The following TNXB variants were observed in gnomAD, a reference collection of about 807,000 sequenced individuals.
The protein encoded by TNXB is tenascin XB, also known as tenascin-X.
Under a neutral mutation model 340.5 loss-of-function variants are expected in TNXB, and 183 were observed. That is an observed-to-expected ratio of 0.54 (90% confidence interval 0.48 to 0.61). The LOEUF is 0.61. TNXB is among the 20% of genes least tolerant of loss of function. TNXB has a pLI of 0.00. For synonymous variants in TNXB, 2,121 were observed against 2,314.5 expected, an observed-to-expected ratio of 0.92 and a Z score of 2.40; for missense variants, 4,613 against 5,446.4, an observed-to-expected ratio of 0.85 and a Z score of 4.82.
At chr6:32,105,575 T>C (rs537610504) in intron 1 of TNXB, among the ~76,000 whole-genome samples, 1 of 152,256 alleles carries the variant, frequency 6.6e-6, no homozygotes, top group South Asian at 2.1e-4. Context: ...AAAAGTTCAA[T>C]GTAAACGCAG....
At chr6:32,057,087 GCCCTCAGC>G (rs1406952919) in intron 22 of TNXB, among the ~76,000 whole-genome samples, 184 bp from the exon 23 acceptor site, 3 of 151,072 alleles carry the variant, frequency 2.0e-5, no homozygotes, top group Non-Finnish European at 4.4e-5. Context: ...TGACCCTCCT[GCCCTCAGC>G]CCCCACCTCA....
intron 11 of TNXB, among the ~76,000 whole-genome samples, chr6:32,076,846 G>A (rs972718987): frequency 6.6e-6 from 1 of 152,140 alleles, no homozygotes; most frequent in African/African-American, 2.4e-5. Context: ...GCCGGGTGTG[G>A]TGGTGGGCGC....
Position 32,097,873 on chromosome 6 carries a change from A to C in TNXB, c.326T>G (p.Ile109Ser). The change falls in exon 2 of 44, where the codon ATC (isoleucine) becomes AGC (serine). Residue 109 changes from isoleucine (I) to serine (S), a missense_variant. Around this residue, in one of 7 missense-constraint regions of TNXB, gnomAD observed 4,327 missense variants for 4,859.4 expected, o/e 0.89. Coordinates refer to ENST00000644971, the MANE Select transcript of TNXB (RefSeq NM_001365276.2). This position sits in a 1 kb window ranked among gnomAD's most constrained non-coding sequence, Gnocchi z 5.9. ...EVQALRVRLE[I>S]LEELVKGLKE... ...GAGCCCCTTCACCAACTCCTCCAGG[A>C]TCTCTAGACGGACCCTCAGGGCCTG... The C allele has an allele frequency of 6.4e-7, 1 of 1,556,220 alleles. No individual in the cohort carries two copies. The highest frequency in any genetic ancestry group is 8.7e-7 in the Non-Finnish European group (1 of 1,145,172).
rs1472917110 is a variant in TNXB, at chr6:32,073,002, T to C, written c.4681+645A>G. ...AACTGTCTATAAATATAATGTTTCC[T>C]TTGTAATCCTATACAGCTTATTTTA... is the stretch of plus-strand genomic sequence containing the variant. On this transcript the variant is annotated intron_variant, in intron 12 of 43. Transcript: ENST00000644971. This position sits in a 1 kb window ranked among gnomAD's most constrained non-coding sequence, Gnocchi z 4.6. Among the ~76,000 whole-genome samples, 1 of 152,242 alleles carries C rather than the reference T, an allele frequency of 6.6e-6. No homozygotes were observed. The highest frequency in any genetic ancestry group is 1.9e-4 in the East Asian group (1 of 5,204).
rs182929841 is a variant in TNXB at position 32,101,192 on chromosome 6, A to G, written c.-8-2986T>C. Among the ~76,000 whole-genome samples the G allele has an allele frequency of 9.9e-5, 15 of 152,210 alleles. No individual in the cohort carries two copies. The East Asian group carries it at 2.9e-3, about 29-fold the overall frequency. On this transcript the variant is annotated intron_variant, in intron 1 of 43. Coordinates refer to ENST00000644971, the MANE Select transcript of TNXB (RefSeq NM_001365276.2). ...AGGTACTCCAGAAAAGAATATAGCCAAAGAGCCAATAAACATTTTATTTAT... is the reference window on the plus strand; with the variant it reads ...AGGTACTCCAGAAAAGAATATAGCCGAAGAGCCAATAAACATTTTATTTAT...
intron 21 of TNXB, among the ~76,000 whole-genome samples, chr6:32,059,879 T>G (rs1055090778): frequency 1.3e-5 from 2 of 151,932 alleles, no homozygotes; most frequent in Non-Finnish European, 2.9e-5. Flanking sequence ...TCCCCATCGG[T>G]AGGAATTCTC....
intron 40 of TNXB, 25 bp downstream of exon 40, chr6:32,042,430 C>A (rs1210495833): frequency 6.2e-7 from 1 of 1,610,006 alleles, no homozygotes; most frequent in Non-Finnish European, 8.5e-7. Flanking sequence ...CTGCACAGAC[C>A]CCTGGGCTTC....
In TNXB at chr6:32,097,535, A is replaced by G. The variant is rs1780483912; in HGVS notation, c.404-86T>C. On this transcript the variant is annotated intron_variant, in intron 2 of 43. Coordinates refer to ENST00000644971, the MANE Select transcript of TNXB (RefSeq NM_001365276.2). This position sits in a 1 kb window ranked among gnomAD's most constrained non-coding sequence, Gnocchi z 5.9. The stretch of plus-strand genomic sequence containing the variant: ...GTAGTGCTCCTATGTGCAGGCCCCT[A>G]GCCAGGCTAGCCTCATCTCATAAGG... The G allele has an allele frequency of 2.7e-6, 4 of 1,458,414 alleles. No homozygotes were observed. Among genetic ancestry groups the G allele is most frequent in the African/African-American group, 2.8e-5 (2 of 71,124 alleles). The allele number at this position is 1,458,414 out of a possible 1,614,324, so 90.3% of individuals were successfully genotyped here.
rs763988771 is a variant in TNXB, at chr6:32,096,811, C to T, written c.1042G>A (p.Glu348Lys). The T allele has an allele frequency of 3.8e-6, 6 of 1,594,144 alleles. No homozygotes were observed. In the Admixed American group the frequency reaches 5.3e-5, roughly 14 times the overall value. Residue 348 changes from glutamate to lysine, a missense_variant, in exon 3 of 44, where the codon GAG becomes AAG. Glu to Lys is a moderately conservative substitution (Grantham distance 56, BLOSUM62 1). Around this residue, in one of 7 missense-constraint regions of TNXB, gnomAD observed 4,327 missense variants for 4,859.4 expected, o/e 0.89. Coordinates refer to ENST00000644971, the MANE Select transcript of TNXB (RefSeq NM_001365276.2). ...GTRSCPWDCG[E>K]GGRCVDGRCV... ...CGGCCGTCCACGCAGCGCCCGCCCT[C>T]GCCACAGTCCCAGGGGCAGCTCCGC... is the stretch of plus-strand genomic sequence containing the variant.
chr6:32,084,371 T>G lies in TNXB; in HGVS notation c.3445+42A>C. 1 of 1,526,348 alleles carries G rather than the reference T, an allele frequency of 6.6e-7. No homozygotes were observed. Among genetic ancestry groups the G allele is most frequent in the Non-Finnish European group, 8.8e-7 (1 of 1,131,378 alleles). The allele number at this position is 1,526,348 out of a possible 1,614,324, so 94.6% of individuals were successfully genotyped here. A position where few individuals can be genotyped will look rare whatever the true frequency, so the allele number is the denominator to read the frequency against. ...TTCCCAAAGCACTGAGAAAACCTCT[T>G]CAGGGCAGTACAGAGGGCAGGGTGT... On this transcript the variant is annotated intron_variant, in intron 8 of 43. Transcript: ENST00000644971. The surrounding 1 kb of genome is among the most constrained non-coding windows in gnomAD (Gnocchi z 5.5).
At position 32,051,726 on chromosome 6, in the gene TNXB, A is replaced by G. The variant is rs1017962900; in HGVS notation, c.9115+944T>C. 6.6e-6 allele frequency among the ~76,000 whole-genome samples: 1 copy of G among 152,172 alleles called. No individual in the cohort carries two copies. The highest frequency in any genetic ancestry group is 6.5e-5 in the Admixed American group (1 of 15,280). On this transcript the variant is annotated intron_variant, in intron 26 of 43. Coordinates refer to ENST00000644971, the MANE Select transcript of TNXB (RefSeq NM_001365276.2). This position sits in a 1 kb window ranked among gnomAD's most constrained non-coding sequence, Gnocchi z 4.7. ...TGAGACCAGCCTGGGCAACATACCG[A>G]GACCCCCATTGCCACAGAAAATAAA...
At chr6:32,095,517 C>G (rs1239363435) in intron 3 of TNXB, 94 bp downstream of exon 3, 37 of 1,468,314 alleles carry the variant, frequency 2.5e-5, no homozygotes, top group Admixed American at 2.5e-4. Flanking sequence ...ATGACATGCT[C>G]TCCCTCCACT....
chr6:32,088,609 G>T (rs574952316), intron 6 of TNXB, among the ~76,000 whole-genome samples, 176 bp downstream of exon 6: 1 of 152,152 alleles, frequency 6.6e-6, no homozygotes, highest in Non-Finnish European at 1.5e-5. Context: ...GCATCTGAGG[G>T]CTCTGTCTCC....
At chr6:32,098,671 G>A (rs1780557323) in intron 1 of TNXB, among the ~76,000 whole-genome samples, 2 of 152,070 alleles carry the variant, frequency 1.3e-5, no homozygotes, top group Non-Finnish European at 2.9e-5. Context: ...GTAGAGACCG[G>A]GTTTCTCCAT....
In TNXB at chr6:32,108,503, G is replaced by C. The variant is rs1441553299; in HGVS notation, c.-9+678C>G. On this transcript the variant is annotated intron_variant, in intron 1 of 43. Coordinates refer to ENST00000644971, the MANE Select transcript of TNXB (RefSeq NM_001365276.2). This position sits in a 1 kb window ranked among gnomAD's most constrained non-coding sequence, Gnocchi z 4.8. The stretch of plus-strand genomic sequence containing the variant: ...CCAGCCCTGCTGAACCGTGAGTCAT[G>C]AGTGCAGAGCTCTGGCCAAGAACAA... Among the ~76,000 whole-genome samples, 1 of 152,084 alleles carries C rather than the reference G, an allele frequency of 6.6e-6. No homozygotes were observed. Among genetic ancestry groups the C allele is most frequent in the African/African-American group, 2.4e-5 (1 of 41,396 alleles).
chr6:32,081,693 G>C lies in TNXB; in HGVS notation c.3737-20C>G. ...CTGGAGCTGTAAACAAGGAGATCCA[G>C]CCAGGTGCTGAACTGGCAGCCTGGG... On this transcript the variant is annotated intron_variant, in intron 9 of 43. Coordinates refer to ENST00000644971, the MANE Select transcript of TNXB (RefSeq NM_001365276.2). This position sits in a 1 kb window ranked among gnomAD's most constrained non-coding sequence, Gnocchi z 5.1. 1.3e-6 allele frequency: 2 copies of C among 1,547,782 alleles called. No individual in the cohort carries two copies. Among genetic ancestry groups the C allele is most frequent in the Non-Finnish European group, 1.8e-6 (2 of 1,142,716 alleles).
rs1779964472 is a variant in TNXB, at chr6:32,089,188, C to A, written c.2515+35G>T. 1 of 1,575,452 alleles carries A rather than the reference C, an allele frequency of 6.3e-7. No homozygotes were observed. Among genetic ancestry groups the A allele is most frequent in the Non-Finnish European group, 8.6e-7 (1 of 1,159,754 alleles). ...ATTCCCTCTCTAGTCCAGATCTCCA[C>A]TCAGGACACCCCTCCCCACAGCCCC... is the stretch of plus-strand genomic sequence containing the variant. On this transcript the variant is annotated intron_variant, in intron 5 of 43. Coordinates refer to ENST00000644971, the MANE Select transcript of TNXB (RefSeq NM_001365276.2). This position sits in a 1 kb window ranked among gnomAD's most constrained non-coding sequence, Gnocchi z 6.2.
intron 4 of TNXB, among the ~76,000 whole-genome samples, chr6:32,091,214 G>A (rs558499994): frequency 7.9e-5 from 12 of 152,110 alleles, no homozygotes; most frequent in Admixed American, 1.3e-4. Context: ...GGGTTCAAGC[G>A]ATTCTCCTGC....
intron 1 of TNXB, among the ~76,000 whole-genome samples, chr6:32,102,808 T>A (rs1196050217): frequency 1.3e-5 from 2 of 152,056 alleles, no homozygotes; most frequent in African/African-American, 4.8e-5. Context: ...TAGTCCCAGC[T>A]ACCTGGGAGG....
Sources: allele counts gnomAD v4.1 joint callset (sites outside exome capture counted in the v4.1 genomes callset), GRCh38; gene constraint gnomAD v4.1.1; regional missense constraint gnomAD v4.1.1; non-coding constraint Gnocchi (gnomAD v3.1); transcripts MANE v1.5; gene names NCBI Gene and HGNC (gene_info 2026-07-23, HGNC 2026-07-21).